PALLD: variants seen among roughly 807,000 people sequenced by gnomAD.
PALLD encodes palladin.
PALLD carries 61 observed loss-of-function variants against 123.5 expected under a neutral mutation model. The ratio of observed to expected loss-of-function variants is 0.49; its 90% CI spans 0.40 to 0.61. The LOEUF (loss-of-function observed/expected upper bound fraction) is 0.61, where lower values mean the gene tolerates loss of function less well. Among genes scored for constraint, PALLD ranks in the 20% least tolerant of loss-of-function variants. The pLI is 0.00. For synonymous variants in PALLD, 465 were observed against 496.4 expected (o/e 0.94, Z 0.84); for missense variants, 1,273 against 1,377.0 (o/e 0.92, Z 1.20).
At chr4:168,499,758 A>G (rs924003733) in intron 1 of PALLD, among the ~76,000 whole-genome samples, 2 of 152,162 alleles carry the variant, frequency 1.3e-5, no homozygotes, top group African/African-American at 4.8e-5. Flanking sequence ...ACATTTTTAA[A>G]TGACTATGGG....
rs911865834 is a variant in PALLD at position 168,578,815 on chromosome 4, A to G, written c.908+66403A>G. ...TAGATAGATAGTCCCAGTGCTTAAA[A>G]AAAAACCTATAGTAAAGAAAGTTAT... is the stretch of plus-strand genomic sequence containing the variant. On this transcript the variant is annotated intron_variant, in intron 2 of 21. Transcript: ENST00000505667. 7.2e-5 allele frequency among the ~76,000 whole-genome samples: 11 copies of G among 152,076 alleles called. 1 individual carries two copies. Among genetic ancestry groups the G allele is most frequent in the Non-Finnish European group, 1.6e-4 (11 of 67,984 alleles).
At chr4:168,714,929 A>T (rs1011331198) in intron 10 of PALLD, among the ~76,000 whole-genome samples, 3 of 152,128 alleles carry the variant, frequency 2.0e-5, no homozygotes, top group African/African-American at 7.2e-5. Context: ...AGAAAAAAAA[A>T]ATTCAAGAAT....
chr4:168,521,499 A>G (rs1376981823), intron 2 of PALLD, among the ~76,000 whole-genome samples: 2 of 152,222 alleles, frequency 1.3e-5, no homozygotes, highest in African/African-American at 4.8e-5. Context: ...GTGTCTTAAT[A>G]AATATTAATG....
At chr4:168,761,658 T>TTTGTTG (rs1732922255) in intron 10 of PALLD, among the ~76,000 whole-genome samples, 8 of 43,072 alleles carry the variant, frequency 1.9e-4, no homozygotes, top group Admixed American at 7.4e-4. Flanking sequence ...TTTTTTTTTT[T>TTTGTTG]TTTTTTTTTT....
chr4:168,520,101 C>T (rs1478391346), intron 2 of PALLD, among the ~76,000 whole-genome samples: 2 of 151,632 alleles, frequency 1.3e-5, no homozygotes, highest in South Asian at 2.1e-4. Flanking sequence ...CCGAGGCGGG[C>T]GGATCACGAG....
intron 3 of PALLD, among the ~76,000 whole-genome samples, chr4:168,670,590 G>A (rs1282747111): frequency 6.6e-6 from 1 of 150,700 alleles, no homozygotes; most frequent in African/African-American, 2.4e-5. Flanking sequence ...AAAATTAGCC[G>A]GGCGCGGTGG....
intron 1 of PALLD, among the ~76,000 whole-genome samples, chr4:168,508,227 T>G (rs951550577): frequency 6.6e-6 from 1 of 152,202 alleles, no homozygotes; most frequent in Non-Finnish European, 1.5e-5. Context: ...ATTGTACGTA[T>G]TGAAACATCA....
At chr4:168,823,990 G>A (rs139221002) in intron 10 of PALLD, among the ~76,000 whole-genome samples, 4 of 152,200 alleles carry the variant, frequency 2.6e-5, no homozygotes, top group Non-Finnish European at 5.9e-5. Flanking sequence ...TGTCAAGCTT[G>A]TACTTGTACC....
At chr4:168,628,655 C>T (rs1008310316) in intron 2 of PALLD, among the ~76,000 whole-genome samples, 7 of 152,166 alleles carry the variant, frequency 4.6e-5, no homozygotes, top group Admixed American at 1.3e-4. Context: ...CTGCCCCTGG[C>T]CGCTCCGTTT....
intron 16 of PALLD, 96 bp downstream of exon 16, chr4:168,914,117 C>A: frequency 1.2e-6 from 1 of 803,526 alleles, no homozygotes; most frequent in Non-Finnish European, 2.1e-6. Flanking sequence ...CAAAAGTAAA[C>A]ATAACTGGAA....
At chr4:168,568,120 G>A (rs1768593837) in intron 2 of PALLD, among the ~76,000 whole-genome samples, 1 of 151,592 alleles carries the variant, frequency 6.6e-6, no homozygotes, top group Admixed American at 6.6e-5. Flanking sequence ...GGGCCCTTTT[G>A]GTTTTATGAA....
rs557455224 is a variant in PALLD at position 168,796,015 on chromosome 4, C to T, written c.1964+84092C>T. Among the ~76,000 whole-genome samples, 7 of 152,158 alleles carry T rather than the reference C, an allele frequency of 4.6e-5. No individual in the cohort carries two copies. In the South Asian group the frequency reaches 1.0e-3, roughly 23 times the overall value. ...GTGAAATCATGGAGAATGGGGTACCCGTCCCCTGAATCATTTATCCTTTGT... is the reference window on the plus strand; with the variant it reads ...GTGAAATCATGGAGAATGGGGTACCTGTCCCCTGAATCATTTATCCTTTGT... On this transcript the variant is annotated intron_variant, in intron 10 of 21. Coordinates refer to ENST00000505667, the MANE Select transcript of PALLD (RefSeq NM_001166108.2).
chr4:168,610,452 C>T (rs62335534), intron 2 of PALLD, among the ~76,000 whole-genome samples: 8,565 of 152,220 alleles, frequency 0.056, 361 homozygotes, highest in Non-Finnish European at 0.085. Flanking sequence ...CTAGGGACTT[C>T]GTCGAAGGTT....
At chr4:168,649,360 A>G (rs985484934) in intron 2 of PALLD, among the ~76,000 whole-genome samples, 1 of 152,228 alleles carries the variant, frequency 6.6e-6, no homozygotes, top group African/African-American at 2.4e-5. Flanking sequence ...GATTCTTATT[A>G]AGACCATGTT....
intron 2 of PALLD, among the ~76,000 whole-genome samples, chr4:168,656,856 T>C (rs528875994): frequency 1.3e-5 from 2 of 152,300 alleles, no homozygotes; most frequent in East Asian, 3.9e-4. Flanking sequence ...AAATTATACG[T>C]AAACATAGAC....
chr4:168,781,967 C>T (rs1358780530), intron 10 of PALLD, among the ~76,000 whole-genome samples: 1 of 152,126 alleles, frequency 6.6e-6, no homozygotes, highest in African/African-American at 2.4e-5. Context: ...TACCCTGGCA[C>T]CCATCAGAGC....
chr4:168,560,294 A>G (rs771643460), intron 2 of PALLD, among the ~76,000 whole-genome samples: 3 of 152,204 alleles, frequency 2.0e-5, no homozygotes, highest in Admixed American at 1.3e-4. Flanking sequence ...TGCTTTTCAC[A>G]GTGACACCCA....
chr4:168,679,381 T>G (rs1405374252), intron 3 of PALLD, among the ~76,000 whole-genome samples: 2 of 113,688 alleles, frequency 1.8e-5, no homozygotes, highest in African/African-American at 3.5e-5. Flanking sequence ...TGTGGGTGTG[T>G]GTGTGTGTGT....
chr4:168,784,890 G>A lies in PALLD; in HGVS notation c.1964+72967G>A, dbSNP rs1196297134. 3.9e-5 allele frequency among the ~76,000 whole-genome samples: 6 copies of A among 152,254 alleles called. No individual in the cohort carries two copies. In the South Asian group the frequency reaches 8.3e-4, roughly 21 times the overall value. On this transcript the variant is annotated intron_variant, in intron 10 of 21. Transcript: ENST00000505667. ...CGCCTTATGAGCTCTGGTCAGTCTG[G>A]TCATGGGATACCTGTGGGGATTTCT...
Sources: allele counts gnomAD v4.1 joint callset (sites outside exome capture counted in the v4.1 genomes callset), GRCh38; gene constraint gnomAD v4.1.1; transcripts MANE v1.5; gene names NCBI Gene and HGNC (gene_info 2026-07-23, HGNC 2026-07-21).